NCKAP5: variants seen among roughly 807,000 people sequenced by gnomAD.
The protein encoded by NCKAP5 is nck-associated protein 5.
NCKAP5 carries 92 observed loss-of-function variants against 167.0 expected under a neutral mutation model. The observed-to-expected ratio is 0.55, with a 90% CI of 0.47 to 0.66. The LOEUF (loss-of-function observed/expected upper bound fraction) is 0.66. Among genes scored for constraint, NCKAP5 ranks in the 30% least tolerant of loss-of-function variants. The pLI is 0.00. For missense variants in NCKAP5, 2,378 were observed against 2,315.0 expected, an observed-to-expected ratio of 1.03 and a Z score of -0.56; for synonymous variants, 891 against 877.4, an observed-to-expected ratio of 1.02 and a Z score of -0.27.
chr2:132,794,302 AGAGAGGGT>A (rs1259225289), intron 12 of NCKAP5, among the ~76,000 whole-genome samples: 16 of 117,738 alleles, frequency 1.4e-4, no homozygotes, highest in African/African-American at 5.1e-4. Context: ...AGAGAGAGAG[AGAGAGGGT>A]GGCGGGAAGA....
intron 3 of NCKAP5, among the ~76,000 whole-genome samples, chr2:133,388,818 C>T (rs973857318): frequency 5.9e-5 from 9 of 152,214 alleles, no homozygotes; most frequent in African/African-American, 9.6e-5. Flanking sequence ...GCTGCGTGGG[C>T]GTGGGACCCT....
At chr2:132,990,624 T>A (rs561928561) in intron 7 of NCKAP5, among the ~76,000 whole-genome samples, 1 of 152,166 alleles carries the variant, frequency 6.6e-6, no homozygotes, top group South Asian at 2.1e-4. Flanking sequence ...CACAGGGTCC[T>A]TATAAGAGGG....
intron 3 of NCKAP5, among the ~76,000 whole-genome samples, chr2:133,454,991 A>T (rs1691757712): frequency 6.6e-6 from 1 of 152,094 alleles, no homozygotes. Flanking sequence ...TTTAATATTT[A>T]AAAATGTTTA....
In NCKAP5 at chr2:133,360,780, G is replaced by T. The variant is rs144558569; in HGVS notation, c.70-57670C>A. 4.3e-4 allele frequency among the ~76,000 whole-genome samples: 65 copies of T among 152,090 alleles called. No homozygotes were observed. In the East Asian group the frequency reaches 0.012, roughly 29 times the overall value. ...TCTGGAAACAATGAATGATCATTTAGGGAGGAAAATAGGAGAACACTTTTG... is the reference window on the plus strand; with the variant it reads ...TCTGGAAACAATGAATGATCATTTATGGAGGAAAATAGGAGAACACTTTTG... On this transcript the variant is annotated intron_variant, in intron 3 of 19. Coordinates refer to ENST00000409261, the MANE Select transcript of NCKAP5 (RefSeq NM_207363.3).
chr2:132,886,160 C>T (rs1487107565), intron 8 of NCKAP5, among the ~76,000 whole-genome samples: 1 of 116,344 alleles, frequency 8.6e-6, no homozygotes, highest in African/African-American at 4.0e-5. Flanking sequence ...AATGGGGACA[C>T]CTTTAAATTA....
chr2:132,913,872 T>C (rs1217118208), intron 8 of NCKAP5, among the ~76,000 whole-genome samples: 1 of 152,204 alleles, frequency 6.6e-6, no homozygotes, highest in Non-Finnish European at 1.5e-5. Context: ...ATTAGCATAC[T>C]TATCGTCTTC....
At chr2:133,492,247 C>T (rs1237489970) in intron 3 of NCKAP5, among the ~76,000 whole-genome samples, 3 of 151,906 alleles carry the variant, frequency 2.0e-5, no homozygotes, top group African/African-American at 4.8e-5. Context: ...GCCCCACCCA[C>T]TAATTCAGCC....
At chr2:132,676,528 C>T (rs1276248603) in intron 19 of NCKAP5, among the ~76,000 whole-genome samples, 2 of 151,856 alleles carry the variant, frequency 1.3e-5, no homozygotes, top group Non-Finnish European at 2.9e-5. Flanking sequence ...AGGAGCATAC[C>T]GAACCTCAAC....
intron 15 of NCKAP5, among the ~76,000 whole-genome samples, chr2:132,775,753 AC>A (rs1384062561): frequency 6.6e-6 from 1 of 152,176 alleles, no homozygotes. Context: ...TTAATAATCC[AC>A]TGGGAGCCTT....
chr2:133,176,896 T>C (rs1321113332), intron 5 of NCKAP5, among the ~76,000 whole-genome samples: 1 of 152,182 alleles, frequency 6.6e-6, no homozygotes, highest in Non-Finnish European at 1.5e-5. Flanking sequence ...CTGAAGTCCA[T>C]ATGCTAGAAA....
chr2:133,473,560 C>A lies in NCKAP5; in HGVS notation c.69+43898G>T, dbSNP rs559062375. Among the ~76,000 whole-genome samples, 5 of 152,228 alleles carry A rather than the reference C, an allele frequency of 3.3e-5. No individual in the cohort carries two copies. In the South Asian group the frequency reaches 1.0e-3, roughly 32 times the overall value. On this transcript the variant is annotated intron_variant, in intron 3 of 19. Transcript: ENST00000409261. Reference sequence around the variant, plus strand: ...GATACTGATACTGCTATTCTGGGAGCCATACTTTGAAAACCACTGTTCTAT... The same window carrying A: ...GATACTGATACTGCTATTCTGGGAGACATACTTTGAAAACCACTGTTCTAT...
chr2:132,918,458 T>C (rs1369524552), intron 8 of NCKAP5, among the ~76,000 whole-genome samples: 1 of 152,152 alleles, frequency 6.6e-6, no homozygotes, highest in African/African-American at 2.4e-5. Context: ...GGGTTTGTCA[T>C]GGTACATTCA....
At chr2:133,079,790 C>G (rs1013086773) in intron 6 of NCKAP5, among the ~76,000 whole-genome samples, 2 of 152,064 alleles carry the variant, frequency 1.3e-5, no homozygotes, top group South Asian at 4.1e-4. Context: ...TTTTCACCTA[C>G]CTTTTCACTT....
chr2:133,188,216 T>C (rs1215309323), intron 5 of NCKAP5, among the ~76,000 whole-genome samples: 1 of 151,970 alleles, frequency 6.6e-6, no homozygotes, highest in East Asian at 1.9e-4. Context: ...GGGGATCAAA[T>C]CAACAAGAAG....
chr2:133,132,734 T>C (rs2082653559), intron 5 of NCKAP5, among the ~76,000 whole-genome samples: 1 of 151,044 alleles, frequency 6.6e-6, no homozygotes, highest in Non-Finnish European at 1.5e-5. Context: ...TGGAGTGCAG[T>C]GGCGCGATCT....
chr2:132,767,894 T>A (rs1416631081), intron 16 of NCKAP5, among the ~76,000 whole-genome samples: 1 of 152,138 alleles, frequency 6.6e-6, no homozygotes. Context: ...GTTTCTCAAG[T>A]AGGGAGAAGA....
At chr2:133,593,064 A>C in the NCKAP5 span, among the ~76,000 whole-genome samples, 1 of 152,234 alleles carries the variant, frequency 6.6e-6, no homozygotes, top group African/African-American at 2.4e-5. Context: ...AGGAAGATCC[A>C]ATAGTTCACA....
chr2:133,002,309 C>A (rs753167632), intron 6 of NCKAP5, among the ~76,000 whole-genome samples: 8 of 152,168 alleles, frequency 5.3e-5, no homozygotes, highest in Non-Finnish European at 8.8e-5. Flanking sequence ...ACATGCATGT[C>A]TATGATAAAG....
chr2:133,263,787 C>T (rs757850151), intron 4 of NCKAP5, among the ~76,000 whole-genome samples: 2 of 152,030 alleles, frequency 1.3e-5, no homozygotes, highest in Admixed American at 6.5e-5. Context: ...TAAAAATGAC[C>T]AAAACCTTGA....
Sources: allele counts gnomAD v4.1 joint callset (sites outside exome capture counted in the v4.1 genomes callset), GRCh38; gene constraint gnomAD v4.1.1; transcripts MANE v1.5; gene names NCBI Gene and HGNC (gene_info 2026-07-23, HGNC 2026-07-21).